The following DISC1 variants were observed in gnomAD, a reference collection of about 807,000 sequenced individuals.
DISC1 encodes the protein disrupted in schizophrenia 1 protein.
In DISC1, 57 loss-of-function variants were observed where a neutral mutation model predicts 84.5. The observed-to-expected ratio is 0.67, with a 90% CI of 0.55 to 0.84. DISC1 has a LOEUF of 0.84. DISC1 is among the 40% of genes least tolerant of loss of function. DISC1 has a pLI of 0.00. For missense variants in DISC1, 1,000 were observed against 1,057.8 expected, an observed-to-expected ratio of 0.95 and a Z score of 0.76; for synonymous variants, 411 against 415.2, an observed-to-expected ratio of 0.99 and a Z score of 0.12.
At chr1:231,935,562 A>G (rs1007760159) in intron 9 of DISC1, among the ~76,000 whole-genome samples, 3 of 152,208 alleles carry the variant, frequency 2.0e-5, no homozygotes, top group Non-Finnish European at 4.4e-5. Context: ...ATTTTTAAAC[A>G]ATTGCATCCT....
chr1:232,008,648 A>G, intron 10 of DISC1, 137 bp from the exon 11 acceptor site: 3 of 1,083,530 alleles, frequency 2.8e-6, no homozygotes, highest in Non-Finnish European at 3.8e-6. Context: ...TCTAGTTGAA[A>G]TAATTTATCA....
chr1:231,820,916 A>G (rs1446335815), intron 9 of DISC1, among the ~76,000 whole-genome samples: 2 of 152,234 alleles, frequency 1.3e-5, no homozygotes, highest in African/African-American at 4.8e-5. Flanking sequence ...TTGCAGTCTT[A>G]GGGAACAATT....
intron 2 of DISC1, among the ~76,000 whole-genome samples, chr1:231,695,467 G>A (rs2065539996): frequency 6.6e-6 from 1 of 152,188 alleles, no homozygotes; most frequent in African/African-American, 2.4e-5. Flanking sequence ...GGGTATAGCC[G>A]GAAGTAGGTA....
rs560451105 is a variant in DISC1, at chr1:231,951,595, C to T, written c.1982-7233C>T. On this transcript the variant is annotated intron_variant, in intron 9 of 12. Coordinates refer to ENST00000439617, the MANE Select transcript of DISC1 (RefSeq NM_018662.3). ...AGCTGGGCCAAATCTCCCTCCATGA[C>T]GCTCTGAGAATGACTGCTGCTTTTA... 4.6e-5 allele frequency among the ~76,000 whole-genome samples: 7 copies of T among 152,292 alleles called. No individual in the cohort carries two copies. The East Asian group carries it at 7.7e-4, about 17-fold the overall frequency.
At chr1:231,921,808 C>CT (rs11288115) in intron 9 of DISC1, among the ~76,000 whole-genome samples, 64,075 of 120,188 alleles carry the variant, frequency 0.53, 17,907 homozygotes, top group Non-Finnish European at 0.6. Context: ...CACTAGTTAC[C>CT]TTTTTTTTTT....
At chr1:231,858,666 T>C (rs1200603308) in intron 9 of DISC1, among the ~76,000 whole-genome samples, 1 of 152,218 alleles carries the variant, frequency 6.6e-6, no homozygotes, top group African/African-American at 2.4e-5. Flanking sequence ...CCTGTAGTCT[T>C]CCTTTTTCTA....
chr1:231,707,757 A>G (rs1182245647), intron 3 of DISC1, among the ~76,000 whole-genome samples: 3 of 152,192 alleles, frequency 2.0e-5, no homozygotes, highest in African/African-American at 4.8e-5. Context: ...TCTGGTGCCA[A>G]TCATAACATC....
chr1:231,988,236 A>G (rs963092390), intron 10 of DISC1, among the ~76,000 whole-genome samples: 17 of 152,206 alleles, frequency 1.1e-4, no homozygotes, highest in African/African-American at 4.1e-4. Flanking sequence ...TGTGGACTGC[A>G]GACCGACAAC....
At chr1:232,032,574 G>A (rs188813032) in intron 12 of DISC1, among the ~76,000 whole-genome samples, 7 of 152,264 alleles carry the variant, frequency 4.6e-5, no homozygotes, top group Non-Finnish European at 8.8e-5. Context: ...TCCCTGCGAC[G>A]TTGTTATAAT....
At chr1:231,673,861 T>C (rs1418382688) in intron 1 of DISC1, among the ~76,000 whole-genome samples, 1 of 152,198 alleles carries the variant, frequency 6.6e-6, no homozygotes, top group African/African-American at 2.4e-5. Context: ...GGGCTCACGT[T>C]TGAGTATTGA....
intron 9 of DISC1, among the ~76,000 whole-genome samples, chr1:231,914,067 C>T (rs1173223951): frequency 6.6e-6 from 1 of 152,208 alleles, no homozygotes; most frequent in Non-Finnish European, 1.5e-5. Flanking sequence ...CCAGGGCTGG[C>T]ATGGCGAGTC....
chr1:231,942,725 C>T (rs1381816354), intron 9 of DISC1, among the ~76,000 whole-genome samples: 5 of 152,072 alleles, frequency 3.3e-5, no homozygotes, highest in Non-Finnish European at 7.4e-5. Context: ...GCCAGAGGCG[C>T]CACATTTTAG....
chr1:231,943,453 G>A (rs1302518473), intron 9 of DISC1, among the ~76,000 whole-genome samples: 5 of 152,248 alleles, frequency 3.3e-5, no homozygotes, highest in African/African-American at 4.8e-5. Flanking sequence ...AGTATAGGGG[G>A]TGTCCCTAGT....
At chr1:231,762,152 T>A (rs1414588599) in intron 4 of DISC1, among the ~76,000 whole-genome samples, 2 of 145,940 alleles carry the variant, frequency 1.4e-5, no homozygotes, top group East Asian at 4.0e-4. Flanking sequence ...TTTCCTTCTT[T>A]CTTTTTCTTT....
chr1:231,789,321 G>A (rs376348717), intron 6 of DISC1, among the ~76,000 whole-genome samples: 1 of 152,198 alleles, frequency 6.6e-6, no homozygotes, highest in Non-Finnish European at 1.5e-5. Flanking sequence ...TGTGGCCAGG[G>A]TGGAGTAAGC....
intron 9 of DISC1, among the ~76,000 whole-genome samples, chr1:231,891,654 C>T (rs924154729): frequency 6.6e-6 from 1 of 152,114 alleles, no homozygotes; most frequent in Non-Finnish European, 1.5e-5. Context: ...GGATAGTGGT[C>T]CTGAGTGTAA....
chr1:231,902,059 A>G (rs2088223706), intron 9 of DISC1, among the ~76,000 whole-genome samples: 1 of 151,854 alleles, frequency 6.6e-6, no homozygotes, highest in African/African-American at 2.4e-5. Flanking sequence ...TATATTTATT[A>G]TACATATTAG....
At chr1:231,748,991 T>C (rs1370476486) in intron 3 of DISC1, among the ~76,000 whole-genome samples, 1 of 152,180 alleles carries the variant, frequency 6.6e-6, no homozygotes, top group Non-Finnish European at 1.5e-5. Flanking sequence ...GCTCTGTCAA[T>C]AGGAGTTGAT....
intron 6 of DISC1, among the ~76,000 whole-genome samples, chr1:231,773,665 T>G (rs1201662017): frequency 6.6e-6 from 1 of 152,174 alleles, no homozygotes; most frequent in Non-Finnish European, 1.5e-5. Flanking sequence ...ATTACAGGCG[T>G]GAGCCACTGC....
Sources: allele counts gnomAD v4.1 joint callset (sites outside exome capture counted in the v4.1 genomes callset), GRCh38; gene constraint gnomAD v4.1.1; transcripts MANE v1.5; gene names NCBI Gene and HGNC (gene_info 2026-07-23, HGNC 2026-07-21).